The following SREBF2 variants were observed in gnomAD, a reference collection of about 807,000 sequenced individuals.
SREBF2 encodes the protein sterol regulatory element-binding protein 2.
Under a neutral mutation model 113.1 loss-of-function variants are expected in SREBF2, and 55 were observed. The observed-to-expected ratio is 0.49, with a 90% CI of 0.39 to 0.61. SREBF2 has a LOEUF of 0.61. Ranked by LOEUF, SREBF2 falls within the 20% of genes least tolerant of loss-of-function variation. The pLI is 0.00. For missense variants in SREBF2, 1,349 were observed against 1,487.4 expected (o/e 0.91, Z 1.53); for synonymous variants, 593 against 605.7 (o/e 0.98, Z 0.31).
intron 15 of SREBF2, chr22:41,899,240 C>T (rs998223404): frequency 8.3e-6 from 9 of 1,082,498 alleles, no homozygotes; most frequent in Non-Finnish European, 1.0e-5. Context: ...CTTCCAGCCA[C>T]CTCCACCCCC....
intron 2 of SREBF2, 49 bp downstream of exon 2, chr22:41,867,329 G>A: frequency 6.3e-7 from 1 of 1,589,594 alleles, no homozygotes; most frequent in African/African-American, 1.3e-5. Context: ...CAATGTTTAT[G>A]TGCCAGTTTG....
intron 2 of SREBF2, 23 bp downstream of exon 2, chr22:41,867,303 A>G (rs1424315550): frequency 3.1e-6 from 5 of 1,613,236 alleles, no homozygotes; most frequent in South Asian, 1.1e-5. Context: ...TTAGAATGGT[A>G]GTGGTTGGTT....
At chr22:41,843,218 C>T (rs16985978) in intron 1 of SREBF2, among the ~76,000 whole-genome samples, 9,831 of 152,246 alleles carry the variant, frequency 0.065, 864 homozygotes, top group African/African-American at 0.2. Context: ...GTGAACGTGA[C>T]TCATCCTGTT....
At chr22:41,849,693 ATT>A (rs2076909247) in intron 1 of SREBF2, among the ~76,000 whole-genome samples, 1 of 152,218 alleles carries the variant, frequency 6.6e-6, no homozygotes, top group Non-Finnish European at 1.5e-5. Flanking sequence ...ATATGGTCTC[ATT>A]TGAAGAATAA....
In SREBF2 at chr22:41,880,857, C is replaced by T. The variant is rs141039026; in HGVS notation, c.1903C>T (p.Arg635Cys). Residue 635 changes from arginine (R) to cysteine (C), a missense_variant, in exon 10 of 19, where the codon CGC (arginine) becomes TGC (cysteine). This residue lies in a region of SREBF2 where 699 missense variants were observed against 843.3 expected (regional missense o/e 0.83). Coordinates refer to ENST00000361204, the MANE Select transcript of SREBF2 (RefSeq NM_004599.4). ...CAGCCTGCAGAAGCTACGCCTGGTGCGCTGGCTGCTCAAGAAAGTCTTCCA... is the reference window on the plus strand; with the variant it reads ...CAGCCTGCAGAAGCTACGCCTGGTGTGCTGGCTGCTCAAGAAAGTCTTCCA... Reference protein sequence around the residue: ...RYSLQKLRLVRWLLKKVFQCR... With the variant: ...RYSLQKLRLVCWLLKKVFQCR... 3.7e-6 allele frequency: 6 copies of T among 1,613,868 alleles called. No homozygotes were observed. Among genetic ancestry groups the T allele is most frequent in the Admixed American group, 1.7e-5 (1 of 60,008 alleles).
In SREBF2 at chr22:41,876,257, A is replaced by AC. The variant is rs1269012246; in HGVS notation, c.1386+535dup. On this transcript the variant is annotated intron_variant, in intron 7 of 18. Coordinates refer to ENST00000361204, the MANE Select transcript of SREBF2 (RefSeq NM_004599.4). The stretch of plus-strand genomic sequence containing the variant: ...TCTGAGCCTAATGATCTTCCTGGGA[A>AC]CCTGTAGAGACCACTGGGTTTTGTA... Among the ~76,000 whole-genome samples the AC allele has an allele frequency of 2.0e-5, 3 of 152,298 alleles. No homozygotes were observed. The East Asian group carries it at 5.8e-4, about 29-fold the overall frequency.
At chr22:41,893,369 A>T in intron 12 of SREBF2, 84 bp downstream of exon 12, 3 of 1,439,910 alleles carry the variant, frequency 2.1e-6, no homozygotes, top group Non-Finnish European at 2.9e-6. Context: ...AGACACGCGG[A>T]GACACGGGTT....
chr22:41,844,029 TACATACACACACAC>T (rs924114948), intron 1 of SREBF2, among the ~76,000 whole-genome samples: 2 of 48,754 alleles, frequency 4.1e-5, no homozygotes, highest in African/African-American at 1.5e-4. Flanking sequence ...AAAAAAAAAA[TACATACACACACAC>T]ACACACACAC....
In SREBF2 at chr22:41,833,432, G is replaced by C. The variant is rs2076732937; in HGVS notation, c.88+74G>C. ...GTTACGGCGGCGCGCCCGGGTGCGC[G>C]TGCGCCCACCCCCCGACAGCCCCGG... On this transcript the variant is annotated intron_variant, in intron 1 of 18. Coordinates refer to ENST00000361204, the MANE Select transcript of SREBF2 (RefSeq NM_004599.4). The surrounding 1 kb of genome is among the most constrained non-coding windows in gnomAD (Gnocchi z 4.1). The C allele has an allele frequency of 7.5e-7, 1 of 1,341,406 alleles. No individual in the cohort carries two copies. Among genetic ancestry groups the C allele is most frequent in the African/African-American group, 1.5e-5 (1 of 66,210 alleles). 83.1% of individuals were successfully genotyped at this position (1,341,406 alleles called of 1,614,324 possible).
intron 14 of SREBF2, among the ~76,000 whole-genome samples, chr22:41,897,567 C>T (rs981827157): frequency 1.3e-5 from 2 of 152,216 alleles, no homozygotes; most frequent in Non-Finnish European, 2.9e-5. Context: ...GGCCTCTCTA[C>T]CACTCCTCAG....
chr22:41,899,008 C>T (rs887534995), intron 15 of SREBF2: 3 of 675,300 alleles, frequency 4.4e-6, no homozygotes, highest in Non-Finnish European at 7.5e-6. Context: ...GTTGTCCCAG[C>T]AGCTGTCAGC....
chr22:41,878,669 GA>G (rs34796148), intron 9 of SREBF2: 1 of 1,304,148 alleles, frequency 7.7e-7, no homozygotes, highest in Non-Finnish European at 1.0e-6. Flanking sequence ...GGAGTTTACG[GA>G]AAAAAATCTG....
chr22:41,864,261 TACACACACACACACACACACACAAA>T (rs2077053180), intron 1 of SREBF2, among the ~76,000 whole-genome samples: 2 of 50,998 alleles, frequency 3.9e-5, no homozygotes, highest in Non-Finnish European at 3.6e-5. Flanking sequence ...TATATATATA[TACACACACACACACACACACACAAA>T]ATATCAAAAT....
chr22:41,845,041 G>A (rs1210656193), intron 1 of SREBF2, among the ~76,000 whole-genome samples: 1 of 149,882 alleles, frequency 6.7e-6, no homozygotes, highest in Non-Finnish European at 1.5e-5. Flanking sequence ...CAATTCTCCT[G>A]TCTCCTGTAA....
At position 41,833,497 on chromosome 22, in the gene SREBF2, G is replaced by A. The variant is rs958823518; in HGVS notation, c.88+139G>A. ...ACCCCGTGCGCACGGTGCCCCCGGC[G>A]GTCCTCAACCCTTCCGGCGCTGCGA... On this transcript the variant is annotated intron_variant, in intron 1 of 18. Coordinates refer to ENST00000361204, the MANE Select transcript of SREBF2 (RefSeq NM_004599.4). The surrounding 1 kb of genome is among the most constrained non-coding windows in gnomAD (Gnocchi z 4.1). The A allele has an allele frequency of 1.5e-6, 1 of 654,344 alleles. No individual in the cohort carries two copies. The highest frequency in any genetic ancestry group is 2.4e-6 in the Non-Finnish European group (1 of 411,200). 40.5% of individuals were successfully genotyped at this position (654,344 alleles called of 1,614,324 possible). A position where few individuals can be genotyped will look rare whatever the true frequency, so the allele number is the denominator to read the frequency against.
intron 16 of SREBF2, among the ~76,000 whole-genome samples, chr22:41,902,557 C>T (rs6002528): frequency 3.0e-4 from 45 of 152,300 alleles, no homozygotes; most frequent in African/African-American, 9.9e-4. Flanking sequence ...GGCTCTGCTG[C>T]CACTTCAGGC....
chr22:41,893,400 C>CTGTT, intron 12 of SREBF2, 115 bp downstream of exon 12: 1 of 1,187,184 alleles, frequency 8.4e-7, no homozygotes, highest in Non-Finnish European at 1.2e-6. Flanking sequence ...CTTGTTGAGT[C>CTGTT]CGTTTGTTTG....
chr22:41,896,579 G>A (rs1049427200), intron 13 of SREBF2, among the ~76,000 whole-genome samples: 4 of 152,156 alleles, frequency 2.6e-5, no homozygotes, highest in African/African-American at 7.2e-5. Flanking sequence ...GGCTGGTCTG[G>A]AACTCCTGAC....
chr22:41,894,988 A>G (rs1346835364), intron 13 of SREBF2, 51 bp downstream of exon 13: 2 of 1,470,342 alleles, frequency 1.4e-6, no homozygotes, highest in Non-Finnish European at 1.9e-6. Flanking sequence ...CACGCAGGCA[A>G]CTCCAGGACA....
Sources: allele counts gnomAD v4.1 joint callset (sites outside exome capture counted in the v4.1 genomes callset), GRCh38; gene constraint gnomAD v4.1.1; regional missense constraint gnomAD v4.1.1; non-coding constraint Gnocchi (gnomAD v3.1); transcripts MANE v1.5; gene names NCBI Gene and HGNC (gene_info 2026-07-23, HGNC 2026-07-21).